Variants in ANO6 observed in about 807,000 individuals in gnomAD.
The protein encoded by ANO6 is anoctamin 6, also known as anoctamin-6.
ANO6 carries 106 observed loss-of-function variants against 117.5 expected under a neutral mutation model. The ratio of observed to expected loss-of-function variants is 0.90; its 90% CI spans 0.77 to 1.06. The LOEUF is 1.06. ANO6 is among the 50% of genes least tolerant of loss of function. The pLI, the probability that ANO6 is intolerant of heterozygous loss-of-function variation, is 0.00. For synonymous variants in ANO6, 367 were observed against 385.1 expected (o/e 0.95, Z 0.55); for missense variants, 955 against 1,121.1 (o/e 0.85, Z 2.12).
At chr12:45,418,380 A>C (rs955358803) in intron 17 of ANO6, among the ~76,000 whole-genome samples, 3 of 152,172 alleles carry the variant, frequency 2.0e-5, no homozygotes, top group Non-Finnish European at 2.9e-5. Flanking sequence ...CCACACCTTC[A>C]ACATCTACTG....
intron 7 of ANO6, among the ~76,000 whole-genome samples, chr12:45,353,915 T>C (rs1941345742): frequency 6.6e-6 from 1 of 151,800 alleles, no homozygotes; most frequent in African/African-American, 2.4e-5. Context: ...ATTAGAAAAA[T>C]GAAGTTGAAG....
chr12:45,430,090 G>C lies in ANO6; in HGVS notation c.*779G>C. ...AATGACAAAAGCAGGGAAAGTTACA[G>C]ATTCAAACAGCATTTTAACTCATGT... On this transcript the variant is annotated 3_prime_UTR_variant, in exon 20 of 20. Transcript: ENST00000320560. 1.0e-6 allele frequency: 1 copy of C among 985,406 alleles called. No individual in the cohort carries two copies. The highest frequency in any genetic ancestry group is 1.2e-6 in the Non-Finnish European group (1 of 829,918). The allele number at this position is 985,406 out of a possible 1,614,324, so 61.0% of individuals were successfully genotyped here.
intron 1 of ANO6, among the ~76,000 whole-genome samples, chr12:45,293,239 T>G (rs937081341): frequency 3.3e-5 from 5 of 152,210 alleles, no homozygotes; most frequent in African/African-American, 1.2e-4. Flanking sequence ...TCTCATTTAT[T>G]GAGCATCTAT....
chr12:45,411,831 C>T (rs973340703), intron 16 of ANO6, among the ~76,000 whole-genome samples: 5 of 152,180 alleles, frequency 3.3e-5, no homozygotes, highest in Non-Finnish European at 7.3e-5. Context: ...CTGCTGCCTG[C>T]CGTGGTGGTA....
Position 45,371,133 on chromosome 12 carries a change from G to T in ANO6, c.1104+3340G>T, listed in dbSNP as rs376231804. On this transcript the variant is annotated intron_variant, in intron 9 of 19. Transcript: ENST00000320560. ...CTGGAAAATCGGGTCACTCCCACCC[G>T]AATACTGCGCTTTTCTGACGGGCTT... Among the ~76,000 whole-genome samples, 47 of 152,256 alleles carry T rather than the reference G, an allele frequency of 3.1e-4. 1 individual carries two copies. Among genetic ancestry groups the T allele is most frequent in the Admixed American group, 1.3e-3 (20 of 15,290 alleles).
chr12:45,335,623 C>T (rs1412408127), intron 3 of ANO6: 4 of 151,960 alleles, frequency 2.6e-5, no homozygotes, highest in African/African-American at 9.7e-5. Flanking sequence ...GTGGGATGCT[C>T]AGCTGGTAAG....
At chr12:45,323,792 T>C (rs1209814817) in intron 2 of ANO6, among the ~76,000 whole-genome samples, 2 of 152,160 alleles carry the variant, frequency 1.3e-5, no homozygotes, top group Admixed American at 6.5e-5. Flanking sequence ...TTTGGACTCT[T>C]TTCATTTACC....
rs1349910751 is a variant in ANO6, at chr12:45,293,729, G to GGT, written c.71-8285_71-8284insGT. ...GTGCCTGCCACCATGCCTGGCTAATGTTTTTTTTTTTTTTTTTTTTTTTTT... is the reference window on the plus strand; with the variant it reads ...GTGCCTGCCACCATGCCTGGCTAATGGTTTTTTTTTTTTTTTTTTTTTTTTTT... On this transcript the variant is annotated intron_variant, in intron 1 of 19. Coordinates refer to ENST00000320560, the MANE Select transcript of ANO6 (RefSeq NM_001025356.3). 7.4e-4 allele frequency among the ~76,000 whole-genome samples: 36 copies of GGT among 48,418 alleles called. 1 individual carries two copies. The highest frequency in any genetic ancestry group is 5.8e-4 in the Non-Finnish European group (16 of 27,666). The allele number at this position is 48,418 out of a possible 152,430, so 31.8% of individuals were successfully genotyped here.
chr12:45,357,320 C>T lies in ANO6; in HGVS notation c.894C>T (p.Tyr298=), dbSNP rs751784217. The part of the protein sequence containing the change: ...RKYYGEKIGI[Y]FAWLGYYTQM... ...ACTATGGAGAGAAGATTGGAATCTA[C>T]TTTGCTTGGCTGGGCTATTACACTC... The change falls in exon 8 of 20, where the codon TAC becomes TAT. Residue 298 remains tyrosine, a synonymous_variant. Transcript: ENST00000320560. 3.2e-5 allele frequency: 51 copies of T among 1,613,880 alleles called. No individual in the cohort carries two copies. The Middle Eastern group carries it at 6.7e-4, about 21-fold the overall frequency.
In ANO6 at chr12:45,367,699, G is replaced by T; in HGVS notation, c.1010G>T (p.Cys337Phe). Residue 337 changes from cysteine (C) to phenylalanine (F), a missense_variant, in exon 9 of 20, where the codon TGT becomes TTT. Coordinates refer to ENST00000320560, the MANE Select transcript of ANO6 (RefSeq NM_001025356.3). Reference protein sequence around the residue: ...QDNCTWSKEVCHPDIGGKIIM... With the variant: ...QDNCTWSKEVFHPDIGGKIIM... ...TTCTCTCTTTTTAGCAAAGAAGTTT[G>T]TCATCCTGATATTGGTGGCAAGATC... 1 of 1,612,716 alleles carries T rather than the reference G, an allele frequency of 6.2e-7. No homozygotes were observed. Among genetic ancestry groups the T allele is most frequent in the Non-Finnish European group, 8.5e-7 (1 of 1,179,492 alleles).
chr12:45,243,415 T>G (rs904557681), intron 1 of ANO6, among the ~76,000 whole-genome samples: 1 of 152,256 alleles, frequency 6.6e-6, no homozygotes, highest in African/African-American at 2.4e-5. Flanking sequence ...CTTCTAAAAT[T>G]ACCACTTTCT....
intron 1 of ANO6, among the ~76,000 whole-genome samples, chr12:45,246,728 A>G (rs960736641): frequency 6.6e-6 from 1 of 151,230 alleles, no homozygotes; most frequent in African/African-American, 2.4e-5. Flanking sequence ...GGGGTAGACC[A>G]GATGACTTCA....
intron 12 of ANO6, among the ~76,000 whole-genome samples, chr12:45,397,441 T>G (rs1323555731): frequency 1.3e-5 from 2 of 152,212 alleles, no homozygotes; most frequent in African/African-American, 4.8e-5. Flanking sequence ...TCCTCAAGGA[T>G]GTAGAACTAG....
chr12:45,367,833 A>G (rs908167761), intron 9 of ANO6, 40 bp downstream of exon 9: 9 of 1,432,044 alleles, frequency 6.3e-6, no homozygotes, highest in African/African-American at 5.6e-5. Flanking sequence ...CTAATGAAAG[A>G]TTTTTTTTCT....
At chr12:45,321,921 G>A (rs180768600) in intron 2 of ANO6, among the ~76,000 whole-genome samples, 55 of 152,198 alleles carry the variant, frequency 3.6e-4, no homozygotes, top group African/African-American at 1.2e-3. Flanking sequence ...TTATTACTGC[G>A]CCATCAAGAA....
intron 12 of ANO6, among the ~76,000 whole-genome samples, chr12:45,393,323 C>T (rs1007143878): frequency 6.6e-6 from 1 of 152,150 alleles, no homozygotes; most frequent in Non-Finnish European, 1.5e-5. Context: ...CGAACAAAGC[C>T]TCCAAGAAAT....
chr12:45,247,010 C>T (rs147054167), intron 1 of ANO6, among the ~76,000 whole-genome samples: 476 of 152,280 alleles, frequency 3.1e-3, no homozygotes, highest in African/African-American at 9.2e-3. Flanking sequence ...CGGCTCACTG[C>T]ACCCTCCGCC....
chr12:45,282,857 T>C (rs1047774308), intron 1 of ANO6, among the ~76,000 whole-genome samples: 1 of 152,260 alleles, frequency 6.6e-6, no homozygotes, highest in African/African-American at 2.4e-5. Flanking sequence ...CTCTCATATA[T>C]AGCCACTGTT....
At chr12:45,286,276 AG>A (rs1356206551) in intron 1 of ANO6, among the ~76,000 whole-genome samples, 2 of 152,210 alleles carry the variant, frequency 1.3e-5, no homozygotes, top group Non-Finnish European at 2.9e-5. Context: ...CTGAGACTAT[AG>A]GTGACTGGGA....
Sources: gnomAD v4.1 joint callset for allele counts (sites outside exome capture counted in the v4.1 genomes callset) on GRCh38, gnomAD v4.1.1 for gene constraint, MANE v1.5 for transcripts, NCBI Gene and HGNC (gene_info 2026-07-23, HGNC 2026-07-21) for gene names.